LRP1B: variants seen among roughly 807,000 people sequenced by gnomAD.
LRP1B encodes LDL receptor related protein 1B.
Under a neutral mutation model 556.6 loss-of-function variants are expected in LRP1B, and 217 were observed. The observed-to-expected ratio is 0.39, with a 90% CI of 0.35 to 0.44. The LOEUF (loss-of-function observed/expected upper bound fraction) is 0.44. Ranked by LOEUF, LRP1B falls within the 20% of genes least tolerant of loss-of-function variation. The probability of loss-of-function intolerance (pLI) is 1.00; values close to 1 mark genes in which losing one functional copy is unlikely to be tolerated. For missense variants in LRP1B, 5,053 were observed against 5,620.8 expected (o/e 0.90, Z 3.23); for synonymous variants, 2,047 against 1,865.8 (o/e 1.10, Z -2.50).
At chr2:141,314,921 T>C (rs1480543244) in intron 3 of LRP1B, among the ~76,000 whole-genome samples, 1 of 146,260 alleles carries the variant, frequency 6.8e-6, no homozygotes, top group Non-Finnish European at 1.5e-5. Flanking sequence ...CACATATATA[T>C]ATGTATAGGC....
rs1188531006 is a variant in LRP1B at position 140,514,680 on chromosome 2, C to G, written c.8242G>C (p.Gly2748Arg). The G allele has an allele frequency of 1.2e-6, 2 of 1,611,878 alleles. No individual in the cohort carries two copies. Among genetic ancestry groups the G allele is most frequent in the Non-Finnish European group, 1.7e-6 (2 of 1,178,612 alleles). The part of the protein sequence containing the change: ...ICDGEDDCGD[G>R]LDESDSICGA... ...CAAATGCTGTCACTTTCATCTAACC[C>G]ATCCCCACAGTCATCTTCTCCATCA... The change falls in exon 51 of 91, where the codon GGG (glycine) becomes CGG (arginine). Residue 2748 changes from glycine (G) to arginine (R), a missense_variant. By Grantham distance (125) the Gly-to-Arg change is moderately radical. Coordinates refer to ENST00000389484, the MANE Select transcript of LRP1B (RefSeq NM_018557.3).
chr2:141,538,117 T>C (rs941357327), intron 2 of LRP1B, among the ~76,000 whole-genome samples: 1 of 152,174 alleles, frequency 6.6e-6, no homozygotes, highest in Non-Finnish European at 1.5e-5. Context: ...CATCTGTGCA[T>C]ATATGCGTAC....
At chr2:140,325,729 A>C (rs1207818402) in intron 80 of LRP1B, 33 bp downstream of exon 80, 2 of 1,391,966 alleles carry the variant, frequency 1.4e-6, no homozygotes, top group South Asian at 2.4e-5. Context: ...TCTCAGTAAC[A>C]ATTAAAAATG....
intron 3 of LRP1B, among the ~76,000 whole-genome samples, chr2:141,304,045 G>A (rs996118326): frequency 6.6e-6 from 1 of 151,922 alleles, no homozygotes; most frequent in Non-Finnish European, 1.5e-5. Context: ...TATGTCTATT[G>A]GTCATTTCTA....
chr2:141,213,331 A>C (rs2105258235), intron 6 of LRP1B, among the ~76,000 whole-genome samples: 1 of 152,284 alleles, frequency 6.6e-6, no homozygotes, highest in African/African-American at 2.4e-5. Flanking sequence ...CAAGTAAGAT[A>C]ATTATTTATC....
intron 1 of LRP1B, among the ~76,000 whole-genome samples, chr2:142,040,445 C>A (rs928269473): frequency 6.6e-6 from 1 of 151,314 alleles, no homozygotes; most frequent in African/African-American, 2.4e-5. Context: ...AATCCCTTAT[C>A]TCTTTTTTAG....
intron 1 of LRP1B, among the ~76,000 whole-genome samples, chr2:141,992,772 T>C (rs1490937749): frequency 6.6e-6 from 1 of 152,114 alleles, no homozygotes; most frequent in Non-Finnish European, 1.5e-5. Context: ...GCCTACCTTC[T>C]CTTCATTTTC....
chr2:141,873,052 A>G (rs140460863), intron 1 of LRP1B, among the ~76,000 whole-genome samples: 1 of 152,198 alleles, frequency 6.6e-6, no homozygotes, highest in African/African-American at 2.4e-5. Context: ...GTGAGTGTTT[A>G]TTGTATTAAT....
intron 18 of LRP1B, among the ~76,000 whole-genome samples, chr2:140,978,563 A>G (rs1053083707): frequency 3.2e-4 from 48 of 152,290 alleles, no homozygotes; most frequent in Non-Finnish European, 5.3e-4. Context: ...TATTTATAGT[A>G]TATTGTCAAA....
intron 2 of LRP1B, among the ~76,000 whole-genome samples, chr2:141,805,984 C>A (rs896269326): frequency 1.3e-5 from 2 of 152,018 alleles, no homozygotes; most frequent in Non-Finnish European, 1.5e-5. Context: ...CTCAATGATT[C>A]TGTGAAGGGG....
intron 5 of LRP1B, among the ~76,000 whole-genome samples, chr2:141,236,258 T>C (rs1683644682): frequency 6.6e-6 from 1 of 152,180 alleles, no homozygotes; most frequent in Non-Finnish European, 1.5e-5. Flanking sequence ...TAAACCTAGG[T>C]AATTGACATA....
chr2:141,362,727 A>G (rs1349024527), intron 3 of LRP1B, among the ~76,000 whole-genome samples: 2 of 152,082 alleles, frequency 1.3e-5, no homozygotes, highest in African/African-American at 4.8e-5. Context: ...TTTTGTGCCC[A>G]CAAAATAATT....
At chr2:140,932,009 G>T (rs1184275778) in intron 20 of LRP1B, among the ~76,000 whole-genome samples, 1 of 152,038 alleles carries the variant, frequency 6.6e-6, no homozygotes, top group Non-Finnish European at 1.5e-5. Flanking sequence ...TGTGCTTAGT[G>T]GTAGCAAATA....
chr2:140,477,850 C>T (rs1375583967), intron 59 of LRP1B, among the ~76,000 whole-genome samples: 3 of 152,028 alleles, frequency 2.0e-5, no homozygotes, highest in Non-Finnish European at 4.4e-5. Flanking sequence ...TCTTACTGGG[C>T]CCAAATATAC....
At chr2:140,804,648 AATTTTTTT>A (rs1427196167) in intron 32 of LRP1B, among the ~76,000 whole-genome samples, 2 of 103,890 alleles carry the variant, frequency 1.9e-5, no homozygotes, top group Non-Finnish European at 3.8e-5. Context: ...GGTAAAAACT[AATTTTTTT>A]TTTTTTTTTT....
intron 7 of LRP1B, among the ~76,000 whole-genome samples, chr2:141,128,458 C>T (rs1279860227): frequency 1.3e-5 from 2 of 152,142 alleles, no homozygotes; most frequent in African/African-American, 4.8e-5. Context: ...AGATTTATTT[C>T]TCTGATCTTC....
At chr2:141,266,540 TGA>T (rs1684898608) in intron 3 of LRP1B, among the ~76,000 whole-genome samples, 1 of 152,132 alleles carries the variant, frequency 6.6e-6, no homozygotes, top group Non-Finnish European at 1.5e-5. Flanking sequence ...TTAAAAAATC[TGA>T]GAGTGTACCA....
intron 1 of LRP1B, among the ~76,000 whole-genome samples, chr2:141,857,890 T>C (rs1008195752): frequency 1.3e-5 from 2 of 152,108 alleles, no homozygotes; most frequent in African/African-American, 4.8e-5. Flanking sequence ...ACCTTAGCCC[T>C]TTTCCTGGCC....
intron 3 of LRP1B, among the ~76,000 whole-genome samples, chr2:141,458,987 A>G (rs1036146266): frequency 6.6e-6 from 1 of 152,196 alleles, no homozygotes; most frequent in African/African-American, 2.4e-5. Flanking sequence ...CCAGTGCACA[A>G]CTGCTGTCCA....
Sources: allele counts gnomAD v4.1 joint callset (sites outside exome capture counted in the v4.1 genomes callset), GRCh38; gene constraint gnomAD v4.1.1; transcripts MANE v1.5; gene names NCBI Gene and HGNC (gene_info 2026-07-23, HGNC 2026-07-21).